The following PLEKHA7 variants were observed in gnomAD, a reference collection of about 807,000 sequenced individuals.
PLEKHA7 encodes the protein pleckstrin homology domain containing A7.
PLEKHA7 carries 104 observed loss-of-function variants against 170.0 expected under a neutral mutation model. The observed-to-expected ratio is 0.61, with a 90% CI of 0.52 to 0.72. PLEKHA7 has a LOEUF of 0.72. Among genes scored for constraint, PLEKHA7 ranks in the 30% least tolerant of loss-of-function variants. The probability of loss-of-function intolerance (pLI) is 0.00; values close to 1 mark genes in which losing one functional copy is unlikely to be tolerated. For synonymous variants in PLEKHA7, 648 were observed against 660.8 expected (o/e 0.98, Z 0.30); for missense variants, 1,615 against 1,671.7 (o/e 0.97, Z 0.59).
intron 17 of PLEKHA7, 58 bp downstream of exon 17, chr11:16,800,916 A>G: frequency 6.9e-7 from 1 of 1,451,292 alleles, no homozygotes; most frequent in Non-Finnish European, 9.6e-7. Context: ...TCTTGGAAAA[A>G]CAAAAAACAA....
chr11:16,892,591 G>A (rs1433119244), intron 3 of PLEKHA7, among the ~76,000 whole-genome samples: 1 of 147,602 alleles, frequency 6.8e-6, no homozygotes, highest in African/African-American at 2.5e-5. Flanking sequence ...GACCACAGGT[G>A]CGTGCCACCA....
chr11:16,855,843 G>T lies in PLEKHA7; in HGVS notation c.377C>A (p.Ala126Asp), dbSNP rs770725871. ...GGCCTCCAGGGTGGAGGCGGTCCCA[G>T]CCGTGGATGTTTCACTGACCATGCT... is the stretch of plus-strand genomic sequence containing the variant. Reference protein sequence around the residue: ...PSSMVSETSTAGTASTLEAKP... With the variant: ...PSSMVSETSTDGTASTLEAKP... The change falls in exon 5 of 27, where the codon GCT becomes GAT. Residue 126 changes from alanine to aspartate, a missense_variant. By Grantham distance (126) the Ala-to-Asp change is moderately radical. Transcript: ENST00000531066. 5 of 1,614,136 alleles carry T rather than the reference G, an allele frequency of 3.1e-6. No homozygotes were observed. The highest frequency in any genetic ancestry group is 4.2e-6 in the Non-Finnish European group (5 of 1,179,996).
At chr11:16,971,017 T>C (rs1862678113) in intron 3 of PLEKHA7, among the ~76,000 whole-genome samples, 1 of 152,212 alleles carries the variant, frequency 6.6e-6, no homozygotes, top group African/African-American at 2.4e-5. Context: ...AACAAAATAA[T>C]GTGGGTGTCA....
In PLEKHA7 at chr11:16,777,395, A is replaced by G. The variant is rs1202079076; in HGVS notation, c.*1603T>C. On this transcript the variant is annotated 3_prime_UTR_variant, in exon 27 of 27. Transcript: ENST00000531066. ...CAAAATATTCATTTCATTTTTTCCA[A>G]GAAAATCTTATAAAGGCAAAAATAA... 2.0e-5 allele frequency: 3 copies of G among 152,214 alleles called. No homozygotes were observed. Among genetic ancestry groups the G allele is most frequent in the African/African-American group, 4.8e-5 (2 of 41,460 alleles). The allele number at this position is 152,214 out of a possible 1,614,324, so 9.4% of individuals were successfully genotyped here.
intron 3 of PLEKHA7, among the ~76,000 whole-genome samples, chr11:16,986,820 C>G (rs192536180): frequency 6.6e-6 from 1 of 152,304 alleles, no homozygotes; most frequent in Admixed American, 6.5e-5. Context: ...ATCAGCTCTG[C>G]ATAGCTTTAT....
chr11:16,826,377 C>T lies in PLEKHA7; in HGVS notation c.1086G>A (p.Arg362=). The part of the protein sequence containing the change: ...LEGKRDRSKA[R]SPYSPAEEDA... Reference sequence around the variant, plus strand: ...CCTCCTCGGCTGGCGAGTACGGAGACCTGGCCTTGCTCCGGTCCCGCTTGC... The same window carrying T: ...CCTCCTCGGCTGGCGAGTACGGAGATCTGGCCTTGCTCCGGTCCCGCTTGC... Residue 362 remains arginine (R), a synonymous_variant, in exon 10 of 27, where the codon AGG becomes AGA. Coordinates refer to ENST00000531066, the MANE Select transcript of PLEKHA7 (RefSeq NM_001329630.2). 6.2e-7 allele frequency: 1 copy of T among 1,614,258 alleles called. No homozygotes were observed. The highest frequency in any genetic ancestry group is 8.5e-7 in the Non-Finnish European group (1 of 1,180,054).
intron 3 of PLEKHA7, among the ~76,000 whole-genome samples, chr11:16,939,475 A>G (rs1473390833): frequency 6.6e-6 from 1 of 152,214 alleles, no homozygotes; most frequent in African/African-American, 2.4e-5. Context: ...ACATAGATAA[A>G]AGCTATGAAG....
intron 9 of PLEKHA7, among the ~76,000 whole-genome samples, chr11:16,829,315 C>A (rs1850919130): frequency 6.6e-6 from 1 of 152,054 alleles, no homozygotes; most frequent in South Asian, 2.1e-4. Flanking sequence ...CTGCCGGGGG[C>A]CTAAATTCCC....
chr11:16,868,651 C>T (rs1394454249), intron 4 of PLEKHA7, among the ~76,000 whole-genome samples: 2 of 152,186 alleles, frequency 1.3e-5, no homozygotes, highest in Non-Finnish European at 2.9e-5. Flanking sequence ...GCATATTCTG[C>T]CTGTTGCAAG....
At chr11:16,947,315 G>A (rs1057118771) in intron 3 of PLEKHA7, among the ~76,000 whole-genome samples, 1 of 152,192 alleles carries the variant, frequency 6.6e-6, no homozygotes, top group Non-Finnish European at 1.5e-5. Context: ...TAGAGGCTGG[G>A]TGTGGTGGCT....
intron 3 of PLEKHA7, among the ~76,000 whole-genome samples, chr11:16,933,888 T>C (rs942318693): frequency 6.6e-6 from 1 of 152,196 alleles, no homozygotes; most frequent in Non-Finnish European, 1.5e-5. Flanking sequence ...AGATTGTAAC[T>C]TGTTCAAGGC....
At chr11:16,822,519 A>G (rs1259369417) in intron 10 of PLEKHA7, among the ~76,000 whole-genome samples, 1 of 146,676 alleles carries the variant, frequency 6.8e-6, no homozygotes, top group Admixed American at 6.8e-5. Context: ...AAAAAAAAAA[A>G]AAAAAAAGGA....
chr11:16,931,926 G>A (rs1453904660), intron 3 of PLEKHA7, among the ~76,000 whole-genome samples: 2 of 152,164 alleles, frequency 1.3e-5, no homozygotes, highest in Non-Finnish European at 1.5e-5. Context: ...GGCCACACAG[G>A]AAGGTCTATA....
rs745582239 is a variant in PLEKHA7 at position 17,013,942 on chromosome 11, C to CA, written c.221+46_221+47insT. On this transcript the variant is annotated intron_variant, in intron 3 of 26. Coordinates refer to ENST00000531066, the MANE Select transcript of PLEKHA7 (RefSeq NM_001329630.2). ...GCGCCCGGCGGGAACGGGGAGGGACCCCCCCCCCGCGGCACAGGTGCGAGC... is the reference window on the plus strand; with the variant it reads ...GCGCCCGGCGGGAACGGGGAGGGACCACCCCCCCCGCGGCACAGGTGCGAGC... The CA allele has an allele frequency of 5.6e-6, 8 of 1,421,996 alleles. 1 individual carries two copies. In the African/African-American group the frequency reaches 8.1e-5, roughly 14 times the overall value. The allele number at this position is 1,421,996 out of a possible 1,614,324, so 88.1% of individuals were successfully genotyped here.
chr11:16,888,378 CG>C (rs1856332812), intron 3 of PLEKHA7, among the ~76,000 whole-genome samples: 1 of 150,956 alleles, frequency 6.6e-6, no homozygotes, highest in African/African-American at 2.4e-5. Flanking sequence ...CCAATGATGA[CG>C]ATGGCGGTTT....
intron 3 of PLEKHA7, among the ~76,000 whole-genome samples, chr11:16,922,855 C>A (rs541327752): frequency 6.6e-6 from 1 of 152,278 alleles, no homozygotes; most frequent in African/African-American, 2.4e-5. Flanking sequence ...CTGCCCCTTT[C>A]CCCTGAGAGC....
chr11:16,982,802 C>CACACAT (rs1005754314), intron 3 of PLEKHA7, among the ~76,000 whole-genome samples: 1 of 147,186 alleles, frequency 6.8e-6, no homozygotes, highest in Non-Finnish European at 1.5e-5. Flanking sequence ...CACACACACA[C>CACACAT]ACACGGAGAA....
At chr11:16,787,000 A>G (rs1266067421) in intron 23 of PLEKHA7, 14 of 984,170 alleles carry the variant, frequency 1.4e-5, no homozygotes, top group Non-Finnish European at 1.7e-5. Context: ...TTTAAATTAG[A>G]AAAAAAAACT....
chr11:17,004,885 G>T (rs1864890471), intron 3 of PLEKHA7, among the ~76,000 whole-genome samples: 1 of 152,050 alleles, frequency 6.6e-6, no homozygotes, highest in Non-Finnish European at 1.5e-5. Context: ...AAAACAACAG[G>T]CAAATACAAC....
Sources: gnomAD v4.1 joint callset for allele counts (sites outside exome capture counted in the v4.1 genomes callset) on GRCh38, gnomAD v4.1.1 for gene constraint, MANE v1.5 for transcripts, NCBI Gene and HGNC (gene_info 2026-07-23, HGNC 2026-07-21) for gene names.